TCF12: variants seen among roughly 807,000 people sequenced by gnomAD.
TCF12 encodes transcription factor 12, also known as DNA-binding protein HTF4.
A neutral mutation model predicts 86.0 loss-of-function variants in TCF12; 45 were observed. The observed-to-expected ratio is 0.52, with a 90% confidence interval of 0.41 to 0.67. TCF12 has a LOEUF of 0.67. TCF12 is among the 30% of genes least tolerant of loss of function. The pLI, the probability that TCF12 is intolerant of heterozygous loss-of-function variation, is 0.00. For synonymous variants in TCF12, 330 were observed against 299.6 expected, an observed-to-expected ratio of 1.10 and a Z score of -1.05; for missense variants, 881 against 859.9, an observed-to-expected ratio of 1.02 and a Z score of -0.31.
At chr15:57,200,564 C>T (rs1289440237) in intron 8 of TCF12, among the ~76,000 whole-genome samples, 1 of 152,112 alleles carries the variant, frequency 6.6e-6, no homozygotes, top group Non-Finnish European at 1.5e-5. Context: ...CCTACTTGTT[C>T]ATTCTATCTT....
rs373973143 is a variant in TCF12, at chr15:57,275,457, A to G, written c.1978+2195A>G. The stretch of plus-strand genomic sequence containing the variant: ...GGCCTGAGCCACCATGCCTGGGCTC[A>G]GACTCCTTGAAGGACACTCTTATGG... On this transcript the variant is annotated intron_variant, in intron 19 of 20. Transcript: ENST00000333725. 4.8e-3 allele frequency among the ~76,000 whole-genome samples: 468 copies of G among 96,690 alleles called. 3 individuals are homozygous for G. The highest frequency in any genetic ancestry group is 0.018 in the African/African-American group (449 of 24,380). 63.4% of individuals were successfully genotyped at this position (96,690 alleles called of 152,430 possible).
chr15:57,268,001 CAGTGGT>C (rs1364706594), intron 18 of TCF12, among the ~76,000 whole-genome samples: 2 of 152,278 alleles, frequency 1.3e-5, no homozygotes, highest in African/African-American at 4.8e-5. Flanking sequence ...TCTACTGTTA[CAGTGGT>C]AGTGTTATGG....
At chr15:57,043,999 TAAAA>T (rs1156604025) in intron 3 of TCF12, among the ~76,000 whole-genome samples, 4 of 152,078 alleles carry the variant, frequency 2.6e-5, no homozygotes, top group Admixed American at 1.3e-4. Flanking sequence ...AAGTTTTAAT[TAAAA>T]AAAGCTTAAC....
chr15:56,944,421 GTTGTC>G (rs1274922985), intron 3 of TCF12, among the ~76,000 whole-genome samples: 1 of 152,182 alleles, frequency 6.6e-6, no homozygotes, highest in Non-Finnish European at 1.5e-5. Flanking sequence ...GGTTAGATAT[GTTGTC>G]TTGTAATTGC....
chr15:56,942,350 T>A (rs2060816050), intron 3 of TCF12, among the ~76,000 whole-genome samples: 1 of 152,250 alleles, frequency 6.6e-6, no homozygotes, highest in South Asian at 2.1e-4. Context: ...GGAGCTTTTG[T>A]TAACATTTAA....
intron 3 of TCF12, among the ~76,000 whole-genome samples, chr15:57,001,884 C>T (rs2064059921): frequency 1.3e-5 from 2 of 152,062 alleles, no homozygotes; most frequent in Non-Finnish European, 2.9e-5. Context: ...CTTTGGAAAG[C>T]CATAGGAGTA....
chr15:57,239,072 A>AT (rs1331168801), intron 12 of TCF12, among the ~76,000 whole-genome samples: 1 of 152,130 alleles, frequency 6.6e-6, no homozygotes, highest in African/African-American at 2.4e-5. Context: ...AGTAGACTAT[A>AT]AGGGCTAGGC....
intron 5 of TCF12, among the ~76,000 whole-genome samples, chr15:57,112,659 A>G (rs1000330899): frequency 2.6e-5 from 4 of 152,192 alleles, no homozygotes; most frequent in African/African-American, 9.7e-5. Context: ...CACAAATTCT[A>G]ATAATTTTTC....
intron 7 of TCF12, among the ~76,000 whole-genome samples, chr15:57,196,592 C>G (rs2703594): frequency 0.64 from 97,950 of 152,068 alleles, 34,077 homozygotes; most frequent in East Asian, 0.82. Context: ...AACCTGGAAC[C>G]CTGTGTTTAT....
intron 3 of TCF12, among the ~76,000 whole-genome samples, chr15:57,008,655 T>A (rs1360981112): frequency 6.6e-6 from 1 of 152,206 alleles, no homozygotes; most frequent in Non-Finnish European, 1.5e-5. Flanking sequence ...AATCCCAGGT[T>A]TTTACAGGTA....
chr15:57,154,010 A>AT (rs2053945937), intron 5 of TCF12, among the ~76,000 whole-genome samples: 1 of 151,928 alleles, frequency 6.6e-6, no homozygotes, highest in Non-Finnish European at 1.5e-5. Context: ...AAAAAAAAAA[A>AT]GAAAAGAAAA....
At chr15:57,271,755 G>A (rs1224074130) in intron 18 of TCF12, among the ~76,000 whole-genome samples, 2 of 152,142 alleles carry the variant, frequency 1.3e-5, no homozygotes, top group Non-Finnish European at 2.9e-5. Flanking sequence ...TTTTTTTTAA[G>A]TATTTTGTTT....
chr15:56,962,359 C>T (rs1056966965), intron 3 of TCF12, among the ~76,000 whole-genome samples: 1 of 152,132 alleles, frequency 6.6e-6, no homozygotes. Flanking sequence ...AACACTACTC[C>T]GGATTTTCCT....
chr15:57,076,638 CAAAAAAAAA>C (rs201622891), intron 4 of TCF12, among the ~76,000 whole-genome samples: 1 of 118,818 alleles, frequency 8.4e-6, no homozygotes. Context: ...GGCTCTGTCT[CAAAAAAAAA>C]AAAAAGAAAA....
intron 5 of TCF12, among the ~76,000 whole-genome samples, chr15:57,129,262 G>A (rs1265377229): frequency 1.3e-5 from 2 of 152,184 alleles, no homozygotes; most frequent in African/African-American, 4.8e-5. Context: ...TTTCCCTAAT[G>A]ACTAATAATG....
chr15:57,251,448 T>A, intron 14 of TCF12, 25 bp downstream of exon 14: 1 of 1,608,444 alleles, frequency 6.2e-7, no homozygotes, highest in African/African-American at 1.3e-5. Context: ...TACATCAGTT[T>A]TATCTGATAG....
chr15:57,187,096 C>G (rs1263993426), intron 6 of TCF12, among the ~76,000 whole-genome samples: 3 of 151,862 alleles, frequency 2.0e-5, no homozygotes, highest in African/African-American at 7.3e-5. Flanking sequence ...ACAAGAATTG[C>G]TTGAACCTGG....
chr15:57,218,780 A>G (rs1167942782), intron 8 of TCF12, among the ~76,000 whole-genome samples: 2 of 152,196 alleles, frequency 1.3e-5, no homozygotes, highest in Non-Finnish European at 2.9e-5. Context: ...AAAACAGGTA[A>G]TTTAGTTTCA....
chr15:57,130,769 C>T (rs1230214821), intron 5 of TCF12, among the ~76,000 whole-genome samples: 2 of 152,224 alleles, frequency 1.3e-5, no homozygotes, highest in South Asian at 2.1e-4. Flanking sequence ...TGTTGTGTTA[C>T]ACACGTTGCT....
Sources: allele counts gnomAD v4.1 joint callset (sites outside exome capture counted in the v4.1 genomes callset), GRCh38; gene constraint gnomAD v4.1.1; transcripts MANE v1.5; gene names NCBI Gene and HGNC (gene_info 2026-07-23, HGNC 2026-07-21).